The following ARID5B variants were observed in gnomAD, a reference collection of about 807,000 sequenced individuals.
ARID5B encodes AT-rich interaction domain 5B.
In ARID5B, 13 loss-of-function variants were observed where a neutral mutation model predicts 97.2. The ratio of observed to expected loss-of-function variants is 0.13; its 90% CI spans 0.09 to 0.21. The LOEUF is 0.21. Among genes scored for constraint, ARID5B ranks in the 10% least tolerant of loss-of-function variants. The pLI, the probability that ARID5B is intolerant of heterozygous loss-of-function variation, is 1.00. For synonymous variants in ARID5B, 556 were observed against 570.3 expected (o/e 0.97, Z 0.36); for missense variants, 1,210 against 1,465.3 (o/e 0.83, Z 2.84).
chr10:61,955,316 T>C (rs1589233883), intron 3 of ARID5B, among the ~76,000 whole-genome samples: 1 of 152,322 alleles, frequency 6.6e-6, no homozygotes, highest in Admixed American at 6.5e-5. Flanking sequence ...TACTGGCAAT[T>C]AAGTGTTTAT....
chr10:61,906,728 C>T (rs1004120004), intron 2 of ARID5B, among the ~76,000 whole-genome samples: 1 of 152,136 alleles, frequency 6.6e-6, no homozygotes, highest in African/African-American at 2.4e-5. Context: ...GTTCTGGGGC[C>T]CCTATTGAAG....
intron 2 of ARID5B, among the ~76,000 whole-genome samples, chr10:61,926,559 G>T (rs1328661796): frequency 6.6e-6 from 1 of 152,032 alleles, no homozygotes; most frequent in African/African-American, 2.4e-5. Flanking sequence ...GAGCTGGGGA[G>T]GATGAGAAAC....
chr10:62,025,531 G>A (rs1839409502), intron 4 of ARID5B, among the ~76,000 whole-genome samples: 1 of 152,110 alleles, frequency 6.6e-6, no homozygotes, highest in Non-Finnish European at 1.5e-5. Flanking sequence ...TACTTAACTT[G>A]TGGTCATGCT....
chr10:61,911,137 A>G (rs1480212326), intron 2 of ARID5B, among the ~76,000 whole-genome samples: 1 of 152,208 alleles, frequency 6.6e-6, no homozygotes, highest in African/African-American at 2.4e-5. Flanking sequence ...TGTCTTTGAG[A>G]ATAATGGGCT....
rs565594485 is a variant in ARID5B at position 62,093,998 on chromosome 10, T to C, written c.*968T>C. 3.0e-5 allele frequency: 7 copies of C among 233,680 alleles called. No individual in the cohort carries two copies. Among genetic ancestry groups the C allele is most frequent in the African/African-American group, 1.5e-4 (7 of 45,448 alleles). The allele number at this position is 233,680 out of a possible 1,614,324, so 14.5% of individuals were successfully genotyped here. A position where few individuals can be genotyped will look rare whatever the true frequency, so the allele number is the denominator to read the frequency against. On this transcript the variant is annotated 3_prime_UTR_variant, in exon 10 of 10. Coordinates refer to ENST00000279873, the MANE Select transcript of ARID5B (RefSeq NM_032199.3). ...AAATGCTTTGCTTTGAAGTATTGGG[T>C]TCTGTGAAAATATTGAGCATTGTAC...
chr10:61,978,579 C>T (rs1838733237), intron 3 of ARID5B, among the ~76,000 whole-genome samples: 1 of 152,130 alleles, frequency 6.6e-6, no homozygotes, highest in South Asian at 2.1e-4. Context: ...CCTTCACATC[C>T]CTTGTAAGTT....
chr10:61,956,603 C>G (rs907986310), intron 3 of ARID5B, among the ~76,000 whole-genome samples: 32 of 152,328 alleles, frequency 2.1e-4, no homozygotes, highest in African/African-American at 7.7e-4. Context: ...TTTCCCTTCT[C>G]CAGGTCAAAC....
In ARID5B at chr10:61,943,477, C is replaced by CA. The variant is rs147575677; in HGVS notation, c.502+3069_502+3070insA. On this transcript the variant is annotated intron_variant, in intron 3 of 9. Transcript: ENST00000279873. ...ACTGTGAGATTATTTGAGGCCCCCCCCCTTTTTTTCTGGTGGAAGTAAGCA... is the reference window on the plus strand; with the variant it reads ...ACTGTGAGATTATTTGAGGCCCCCCCACCTTTTTTTCTGGTGGAAGTAAGCA... Among the ~76,000 whole-genome samples the CA allele has an allele frequency of 2.9e-3, 427 of 149,162 alleles. 1 individual carries two copies. Among genetic ancestry groups the CA allele is most frequent in the African/African-American group, 9.0e-3 (362 of 40,384 alleles).
At chr10:61,941,235 A>C (rs1844405283) in intron 3 of ARID5B, among the ~76,000 whole-genome samples, 1 of 150,882 alleles carries the variant, frequency 6.6e-6, no homozygotes, top group Non-Finnish European at 1.5e-5. Context: ...GGGCTTCATA[A>C]TTAGTTCTAT....
chr10:61,939,297 C>T (rs1278654846), intron 2 of ARID5B, among the ~76,000 whole-genome samples: 2 of 152,062 alleles, frequency 1.3e-5, no homozygotes, highest in Non-Finnish European at 2.9e-5. Context: ...CTTCTTGAGC[C>T]TTTTCCAAAG....
Position 61,960,912 on chromosome 10 carries a change from T to C in ARID5B, c.502+20504T>C, listed in dbSNP as rs555890770. 3.4e-3 allele frequency among the ~76,000 whole-genome samples: 517 copies of C among 152,386 alleles called. 1 individual carries two copies. The highest frequency in any genetic ancestry group is 0.01 in the South Asian group (50 of 4,834). On this transcript the variant is annotated intron_variant, in intron 3 of 9. Transcript: ENST00000279873. ...TCCCCAATCTCTAGCTTTATGCCCT[T>C]CGGCAAGTTGTAGAGTATCAGTTTT...
intron 2 of ARID5B, among the ~76,000 whole-genome samples, chr10:61,920,781 G>A (rs1844001102): frequency 6.6e-6 from 1 of 152,132 alleles, no homozygotes; most frequent in South Asian, 2.1e-4. Context: ...TTATTAGGAT[G>A]TACCAGGGTA....
At chr10:62,071,339 A>T (rs1262356440) in intron 8 of ARID5B, among the ~76,000 whole-genome samples, 2 of 151,986 alleles carry the variant, frequency 1.3e-5, no homozygotes, top group Admixed American at 6.6e-5. Context: ...CAGCCAGAAC[A>T]TTTTTACTAG....
At chr10:62,087,609 C>T (rs905440349) in intron 9 of ARID5B, among the ~76,000 whole-genome samples, 21 of 150,816 alleles carry the variant, frequency 1.4e-4, no homozygotes, top group African/African-American at 4.9e-4. Context: ...AATTTTGATG[C>T]TGATATTAAA....
intron 3 of ARID5B, among the ~76,000 whole-genome samples, chr10:61,948,830 T>G (rs1346770341): frequency 6.6e-6 from 1 of 152,234 alleles, no homozygotes; most frequent in Non-Finnish European, 1.5e-5. Context: ...AGATACAACA[T>G]GACATTAGCA....
chr10:62,075,611 GCTTGT>G (rs1840120541), intron 8 of ARID5B, among the ~76,000 whole-genome samples: 1 of 152,210 alleles, frequency 6.6e-6, no homozygotes, highest in Non-Finnish European at 1.5e-5. Flanking sequence ...GCGTCCAGGA[GCTTGT>G]CAAAGCTCCT....
chr10:61,958,242 C>A (rs930869572), intron 3 of ARID5B, among the ~76,000 whole-genome samples: 17 of 152,052 alleles, frequency 1.1e-4, no homozygotes, highest in African/African-American at 3.6e-4. Context: ...GCATTGTGAC[C>A]TCTTTTTCTT....
intron 7 of ARID5B, among the ~76,000 whole-genome samples, chr10:62,064,405 C>A (rs1839960025): frequency 6.6e-6 from 1 of 152,194 alleles, no homozygotes; most frequent in Non-Finnish European, 1.5e-5. Flanking sequence ...CAGGCAAACT[C>A]TTCTGTTGAC....
intron 3 of ARID5B, among the ~76,000 whole-genome samples, chr10:61,994,936 C>T (rs1838976324): frequency 6.6e-6 from 1 of 151,954 alleles, no homozygotes; most frequent in Non-Finnish European, 1.5e-5. Flanking sequence ...TTAAAATAGG[C>T]ATTCACTTTT....
Sources: allele counts gnomAD v4.1 joint callset (sites outside exome capture counted in the v4.1 genomes callset), GRCh38; gene constraint gnomAD v4.1.1; transcripts MANE v1.5; gene names NCBI Gene and HGNC (gene_info 2026-07-23, HGNC 2026-07-21).